LRFN5: variants seen among roughly 807,000 people sequenced by gnomAD.
LRFN5 encodes leucine-rich repeat and fibronectin type-III domain-containing protein 5.
A neutral mutation model predicts 45.6 loss-of-function variants in LRFN5; 24 were observed. The ratio of observed to expected loss-of-function variants is 0.53; its 90% CI spans 0.38 to 0.74. LRFN5 has a LOEUF of 0.74. Ranked by LOEUF, LRFN5 falls within the 30% of genes least tolerant of loss-of-function variation. LRFN5 has a pLI of 0.00. For missense variants in LRFN5, 776 were observed against 861.5 expected (o/e 0.90, Z 1.24); for synonymous variants, 340 against 313.8 (o/e 1.08, Z -0.88).
intron 1 of LRFN5, among the ~76,000 whole-genome samples, chr14:41,683,190 A>G (rs1881977748): frequency 1.3e-5 from 2 of 152,210 alleles, no homozygotes; most frequent in Admixed American, 6.5e-5. Flanking sequence ...AATGTGATAC[A>G]TCGTATCAAT....
At chr14:41,721,474 T>G (rs903729266) in intron 1 of LRFN5, among the ~76,000 whole-genome samples, 1 of 152,198 alleles carries the variant, frequency 6.6e-6, no homozygotes, top group South Asian at 2.1e-4. Context: ...CTGTGGACTA[T>G]GTACTTAAGT....
intron 1 of LRFN5, among the ~76,000 whole-genome samples, chr14:41,740,991 A>G (rs1424399791): frequency 6.6e-6 from 1 of 151,910 alleles, no homozygotes; most frequent in East Asian, 1.9e-4. Context: ...CCAAAAATAA[A>G]ATTAAATATT....
intron 1 of LRFN5, among the ~76,000 whole-genome samples, chr14:41,612,166 A>C (rs1293412355): frequency 1.3e-5 from 2 of 152,212 alleles, no homozygotes; most frequent in South Asian, 2.1e-4. Context: ...CTGCTGACCT[A>C]TTGCTGTGAT....
At chr14:41,623,830 T>A (rs947914414) in intron 1 of LRFN5, among the ~76,000 whole-genome samples, 1 of 152,132 alleles carries the variant, frequency 6.6e-6, no homozygotes, top group Non-Finnish European at 1.5e-5. Context: ...GATGGAAATC[T>A]GAAAGTCCCC....
chr14:41,705,662 C>T (rs1223969134), intron 1 of LRFN5, among the ~76,000 whole-genome samples: 1 of 152,056 alleles, frequency 6.6e-6, no homozygotes, highest in Non-Finnish European at 1.5e-5. Context: ...ATACTCTATC[C>T]CTACTCAAGG....
chr14:41,676,413 A>G (rs1881630687), intron 1 of LRFN5, among the ~76,000 whole-genome samples: 1 of 152,220 alleles, frequency 6.6e-6, no homozygotes, highest in Non-Finnish European at 1.5e-5. Flanking sequence ...TGACTTTGCA[A>G]AAGAGAGTGG....
intron 1 of LRFN5, among the ~76,000 whole-genome samples, chr14:41,725,074 T>C (rs1355673289): frequency 6.6e-6 from 1 of 152,218 alleles, no homozygotes; most frequent in African/African-American, 2.4e-5. Context: ...TCTTGTTTCT[T>C]AGTAAATAGG....
At chr14:41,646,491 CA>C (rs1450437119) in intron 1 of LRFN5, among the ~76,000 whole-genome samples, 14 of 152,140 alleles carry the variant, frequency 9.2e-5, no homozygotes, top group Non-Finnish European at 1.6e-4. Context: ...GGAGAAGTCT[CA>C]GGGACACAGA....
At chr14:41,750,200 G>A (rs1298986078) in intron 1 of LRFN5, among the ~76,000 whole-genome samples, 1 of 150,106 alleles carries the variant, frequency 6.7e-6, no homozygotes, top group South Asian at 2.1e-4. Context: ...CCTGTATAAT[G>A]TTATCAGTTT....
intron 1 of LRFN5, among the ~76,000 whole-genome samples, chr14:41,706,266 A>C (rs1217643846): frequency 6.6e-6 from 1 of 151,784 alleles, no homozygotes; most frequent in East Asian, 1.9e-4. Context: ...ACGACTGGCT[A>C]ATTTTGTATT....
At chr14:41,815,814 G>A (rs886972085) in intron 2 of LRFN5, among the ~76,000 whole-genome samples, 3 of 151,970 alleles carry the variant, frequency 2.0e-5, no homozygotes, top group Non-Finnish European at 2.9e-5. Context: ...TAGACAACAC[G>A]TAATTGGATC....
At chr14:41,869,857 G>C (rs377435810) in intron 2 of LRFN5, among the ~76,000 whole-genome samples, 6 of 152,120 alleles carry the variant, frequency 3.9e-5, no homozygotes, top group African/African-American at 1.4e-4. Context: ...TGACACATGG[G>C]AATTGTGGGA....
chr14:41,845,556 C>G (rs1304113441), intron 2 of LRFN5, among the ~76,000 whole-genome samples: 1 of 152,040 alleles, frequency 6.6e-6, no homozygotes, highest in African/African-American at 2.4e-5. Context: ...TAGTCTACAT[C>G]TCCTTGGAAA....
At chr14:41,688,562 A>T (rs1882222702) in intron 1 of LRFN5, among the ~76,000 whole-genome samples, 1 of 152,078 alleles carries the variant, frequency 6.6e-6, no homozygotes, top group African/African-American at 2.4e-5. Context: ...AACTGGAAGA[A>T]ATTTGTGAAG....
chr14:41,887,982 G>T lies in LRFN5; in HGVS notation c.1357G>T (p.Gly453Cys), dbSNP rs1352185903. The T allele has an allele frequency of 6.2e-7, 1 of 1,607,772 alleles. No individual in the cohort carries two copies. The highest frequency in any genetic ancestry group is 1.3e-5 in the African/African-American group (1 of 74,794). Residue 453 changes from glycine to cysteine, a missense_variant, in exon 3 of 6, where the codon GGT becomes TGT. Around this residue, in one of 2 missense-constraint regions of LRFN5, gnomAD observed 465 missense variants for 456.4 expected, o/e 1.02. Coordinates refer to ENST00000298119, the MANE Select transcript of LRFN5 (RefSeq NM_152447.5). The surrounding 1 kb of genome is among the most constrained non-coding windows in gnomAD (Gnocchi z 4.8). ...ACGTATGTTTCAAATCCAGTACAAT[G>T]GTACTTATGATGACACCCTTGTTTA... Reference protein sequence around the residue: ...GIRMFQIQYNGTYDDTLVYRM... With the variant: ...GIRMFQIQYNCTYDDTLVYRM...
intron 4 of LRFN5, among the ~76,000 whole-genome samples, chr14:41,897,500 TTATA>T: frequency 6.6e-6 from 1 of 152,062 alleles, no homozygotes; most frequent in East Asian, 1.9e-4. Context: ...TATATATGTA[TTATA>T]TAGACATATA....
intron 2 of LRFN5, among the ~76,000 whole-genome samples, chr14:41,870,369 GAT>G (rs1889976589): frequency 6.6e-6 from 1 of 152,080 alleles, no homozygotes. Context: ...TGCTAATAAA[GAT>G]ATACTCCAGA....
intron 2 of LRFN5, among the ~76,000 whole-genome samples, chr14:41,791,936 C>T (rs1264448859): frequency 6.6e-6 from 1 of 152,066 alleles, no homozygotes; most frequent in African/African-American, 2.4e-5. Flanking sequence ...TTTGGCTATC[C>T]ATTATGGTTG....
intron 2 of LRFN5, among the ~76,000 whole-genome samples, chr14:41,880,241 A>T (rs938538010): frequency 4.0e-5 from 6 of 151,788 alleles, no homozygotes; most frequent in Admixed American, 3.9e-4. Flanking sequence ...ATCTTTTCTA[A>T]AAAACAGCTT....
Sources: gnomAD v4.1 joint callset for allele counts (sites outside exome capture counted in the v4.1 genomes callset) on GRCh38, gnomAD v4.1.1 for gene constraint, gnomAD v4.1.1 regional missense constraint, Gnocchi (gnomAD v3.1) non-coding constraint, MANE v1.5 for transcripts, NCBI Gene and HGNC (gene_info 2026-07-23, HGNC 2026-07-21) for gene names.